The following ZC3H6 variants were observed in gnomAD, a reference collection of about 807,000 sequenced individuals.
The protein encoded by ZC3H6 is zinc finger CCCH-type containing 6.
ZC3H6 carries 40 observed loss-of-function variants against 107.7 expected under a neutral mutation model. The observed-to-expected ratio is 0.37, with a 90% CI of 0.29 to 0.48. The LOEUF (loss-of-function observed/expected upper bound fraction) is 0.48. Among genes scored for constraint, ZC3H6 ranks in the 20% least tolerant of loss-of-function variants. The pLI, the probability that ZC3H6 is intolerant of heterozygous loss-of-function variation, is 0.98. For synonymous variants in ZC3H6, 493 were observed against 487.9 expected (o/e 1.01, Z -0.14); for missense variants, 1,267 against 1,410.4 (o/e 0.90, Z 1.63).
At chr2:112,321,368 G>GTT (rs5833445) in intron 7 of ZC3H6, among the ~76,000 whole-genome samples, 22 of 151,522 alleles carry the variant, frequency 1.5e-4, no homozygotes, top group African/African-American at 5.3e-4. Flanking sequence ...AGTGATAAAT[G>GTT]TTTTTTTTCC....
intron 1 of ZC3H6, among the ~76,000 whole-genome samples, chr2:112,285,381 G>A (rs1686588622): frequency 6.6e-6 from 1 of 150,404 alleles, no homozygotes; most frequent in Non-Finnish European, 1.5e-5. Context: ...TTTTGAGATG[G>A]CATCTAACTC....
intron 3 of ZC3H6, among the ~76,000 whole-genome samples, chr2:112,304,068 A>G (rs1573955421): frequency 6.6e-6 from 1 of 152,338 alleles, no homozygotes; most frequent in African/African-American, 2.4e-5. Flanking sequence ...ATACATTTAC[A>G]TTATTTACAT....
intron 1 of ZC3H6, among the ~76,000 whole-genome samples, chr2:112,290,106 C>T (rs1676078648): frequency 6.6e-6 from 1 of 151,936 alleles, no homozygotes; most frequent in Admixed American, 6.5e-5. Flanking sequence ...AAATGCTATT[C>T]AATTAAAAAA....
chr2:112,291,805 G>A (rs534249727), intron 1 of ZC3H6, among the ~76,000 whole-genome samples: 3 of 152,090 alleles, frequency 2.0e-5, no homozygotes, highest in Admixed American at 6.5e-5. Context: ...TGCAACCTCC[G>A]CCTCCCAGGT....
intron 11 of ZC3H6, among the ~76,000 whole-genome samples, chr2:112,328,871 G>A (rs1312003613): frequency 2.6e-5 from 4 of 151,508 alleles, no homozygotes; most frequent in African/African-American, 7.3e-5. Flanking sequence ...CCCAGGAGGC[G>A]GAGGTTGCAG....
At position 112,331,904 on chromosome 2, in the gene ZC3H6, C is replaced by T. The variant is rs1235806310; in HGVS notation, c.2986C>T (p.Pro996Ser). The T allele has an allele frequency of 3.1e-6, 5 of 1,613,930 alleles. No individual in the cohort carries two copies. Among genetic ancestry groups the T allele is most frequent in the East Asian group, 2.2e-5 (1 of 44,866 alleles). ...MKDSHASKGA[P>S]HLPRSNPGSS... The stretch of plus-strand genomic sequence containing the variant: ...GGATTCACATGCATCAAAGGGTGCC[C>T]CTCACTTACCCAGATCAAACCCTGG... The change falls in exon 12 of 12, where the codon CCT becomes TCT. Residue 996 changes from proline to serine, a missense_variant. Physicochemically the swap from Pro to Ser is moderately conservative, Grantham distance 74. Around this residue, in one of 3 missense-constraint regions of ZC3H6, gnomAD observed 925 missense variants for 1,025.7 expected, o/e 0.90. Transcript: ENST00000409871.
rs1677130698 is a variant in ZC3H6 at position 112,335,946 on chromosome 2, C to A, written c.*3458C>A. 1.3e-5 allele frequency: 2 copies of A among 152,154 alleles called. No individual in the cohort carries two copies. Among genetic ancestry groups the A allele is most frequent in the African/African-American group, 4.8e-5 (2 of 41,428 alleles). 9.4% of individuals were successfully genotyped at this position (152,154 alleles called of 1,614,324 possible). Reference sequence around the variant, plus strand: ...TGATGGAGGGTTAAAAATGCTATGACAGTTCATGGTGCATGGTGTGTTTGT... The same window carrying A: ...TGATGGAGGGTTAAAAATGCTATGAAAGTTCATGGTGCATGGTGTGTTTGT... On this transcript the variant is annotated 3_prime_UTR_variant, in exon 12 of 12. Transcript: ENST00000409871.
At chr2:112,276,257 C>T (rs1286348492) in intron 1 of ZC3H6, among the ~76,000 whole-genome samples, 2 of 148,870 alleles carry the variant, frequency 1.3e-5, no homozygotes, top group Non-Finnish European at 1.5e-5. Context: ...GCCGGCCCCG[C>T]CCCCGGCCGG....
At chr2:112,297,732 A>C (rs966711276) in intron 1 of ZC3H6, among the ~76,000 whole-genome samples, 3 of 152,080 alleles carry the variant, frequency 2.0e-5, no homozygotes, top group African/African-American at 7.2e-5. Context: ...CAAGTTGAGG[A>C]ATTGTTTTGT....
chr2:112,330,980 A>G, intron 11 of ZC3H6, 25 bp from the exon 12 acceptor site: 1 of 1,273,488 alleles, frequency 7.9e-7, no homozygotes, highest in South Asian at 2.8e-5. Flanking sequence ...TATAAAGTTT[A>G]TAATAAGTTT....
intron 11 of ZC3H6, among the ~76,000 whole-genome samples, chr2:112,326,930 A>C (rs901918683): frequency 2.0e-5 from 3 of 152,128 alleles, no homozygotes; most frequent in Non-Finnish European, 4.4e-5. Flanking sequence ...GTTGGTGGAC[A>C]CTTAGGTTGC....
At chr2:112,293,591 C>T (rs1047329375) in intron 1 of ZC3H6, among the ~76,000 whole-genome samples, 1 of 152,194 alleles carries the variant, frequency 6.6e-6, no homozygotes, top group Non-Finnish European at 1.5e-5. Flanking sequence ...CACGAAAACT[C>T]ATGTCTGGTG....
At chr2:112,320,764 C>T (rs1676786360) in intron 7 of ZC3H6, among the ~76,000 whole-genome samples, 1 of 151,970 alleles carries the variant, frequency 6.6e-6, no homozygotes, top group African/African-American at 2.4e-5. Context: ...ACTTCATTTA[C>T]AATATTTATA....
chr2:112,309,968 C>T lies in ZC3H6; in HGVS notation c.420C>T (p.Tyr140=), dbSNP rs1233448125. The T allele has an allele frequency of 6.2e-7, 1 of 1,612,122 alleles. No individual in the cohort carries two copies. Among genetic ancestry groups the T allele is most frequent in the Non-Finnish European group, 8.5e-7 (1 of 1,179,004 alleles). Residue 140 remains tyrosine (Y), a synonymous_variant, in exon 4 of 12, where the codon TAC becomes TAT. Coordinates refer to ENST00000409871, the MANE Select transcript of ZC3H6 (RefSeq NM_198581.3). ...KKFKSKEYDE[Y]STYSDDNFGN... ...TTAAAAGTAAAGAATATGATGAGTA[C>T]AGCACCTACAGTGATGACAACTTCG...
chr2:112,322,604 G>A, intron 8 of ZC3H6, 45 bp from the exon 9 acceptor site: 1 of 1,548,514 alleles, frequency 6.5e-7, no homozygotes, highest in Non-Finnish European at 8.7e-7. Flanking sequence ...TAAATGTGAG[G>A]AAAAGACTCG....
chr2:112,279,959 GT>G (rs748073564), intron 1 of ZC3H6, among the ~76,000 whole-genome samples: 1 of 152,192 alleles, frequency 6.6e-6, no homozygotes, highest in Non-Finnish European at 1.5e-5. Flanking sequence ...TCCTTGAGTA[GT>G]TTGGAATTGT....
intron 2 of ZC3H6, among the ~76,000 whole-genome samples, chr2:112,301,558 C>T (rs1676378409): frequency 6.6e-6 from 1 of 152,020 alleles, no homozygotes; most frequent in Non-Finnish European, 1.5e-5. Flanking sequence ...CAAGATAAGA[C>T]TATGGTCACA....
At chr2:112,292,713 C>T (rs1676145234) in intron 1 of ZC3H6, among the ~76,000 whole-genome samples, 1 of 152,202 alleles carries the variant, frequency 6.6e-6, no homozygotes. Flanking sequence ...TAAAGCTATG[C>T]TGTTACCTGT....
chr2:112,317,709 A>G (rs1217673363), intron 7 of ZC3H6, among the ~76,000 whole-genome samples: 1 of 152,164 alleles, frequency 6.6e-6, no homozygotes, highest in African/African-American at 2.4e-5. Flanking sequence ...AGTCTTATCA[A>G]ATCTTACCAC....
Sources: gnomAD v4.1 joint callset for allele counts (sites outside exome capture counted in the v4.1 genomes callset) on GRCh38, gnomAD v4.1.1 for gene constraint, gnomAD v4.1.1 regional missense constraint, MANE v1.5 for transcripts, NCBI Gene and HGNC (gene_info 2026-07-23, HGNC 2026-07-21) for gene names.